GALNT15: variants seen among roughly 807,000 people sequenced by gnomAD.
The protein encoded by GALNT15 is UDP-GalNAc transferase T15.
In GALNT15, 67 loss-of-function variants were observed where a neutral mutation model predicts 66.8. That is an observed-to-expected ratio of 1.00 (90% CI 0.82 to 1.23). The LOEUF (loss-of-function observed/expected upper bound fraction) is 1.23, where lower values mean the gene tolerates loss of function less well. Among genes scored for constraint, GALNT15 ranks in the 50% most tolerant of loss-of-function variants. GALNT15 has a pLI of 0.00. For synonymous variants in GALNT15, 313 were observed against 311.5 expected (o/e 1.00, Z -0.05); for missense variants, 827 against 804.3 (o/e 1.03, Z -0.34).
intron 3 of GALNT15, among the ~76,000 whole-genome samples, chr3:16,205,696 G>GT: frequency 6.6e-6 from 1 of 152,292 alleles, no homozygotes; most frequent in East Asian, 1.9e-4. Flanking sequence ...AAGACTGTGG[G>GT]TTTTTTATTT....
intron 6 of GALNT15, among the ~76,000 whole-genome samples, chr3:16,215,738 C>G (rs561129116): frequency 6.6e-6 from 1 of 151,824 alleles, no homozygotes; most frequent in Non-Finnish European, 1.5e-5. Flanking sequence ...GGTGAAACCC[C>G]GTCTCCACTA....
rs2063522265 is a variant in GALNT15 at position 16,186,902 on chromosome 3, AATTGT to A, written c.540-8856_540-8852del. Reference sequence around the variant, plus strand: ...CACACCTTTATACTTGAATCCATGGAATTGTACACTTTATAAAGGTGGACATTATG... The same window carrying A: ...CACACCTTTATACTTGAATCCATGGAACACTTTATAAAGGTGGACATTATG... On this transcript the variant is annotated intron_variant, in intron 1 of 9. Transcript: ENST00000339732. The surrounding 1 kb of genome is among the most constrained non-coding windows in gnomAD (Gnocchi z 5.1). 6.6e-6 allele frequency among the ~76,000 whole-genome samples: 1 copy of A among 152,194 alleles called. No homozygotes were observed. The highest frequency in any genetic ancestry group is 1.5e-5 in the Non-Finnish European group (1 of 68,036).
rs1177955566 is a variant in GALNT15 at position 16,182,148 on chromosome 3, G to A, written c.539+6458G>A. Among the ~76,000 whole-genome samples the A allele has an allele frequency of 6.6e-6, 1 of 152,128 alleles. No individual in the cohort carries two copies. The highest frequency in any genetic ancestry group is 1.9e-4 in the East Asian group (1 of 5,192). On this transcript the variant is annotated intron_variant, in intron 1 of 9. Transcript: ENST00000339732. This position sits in a 1 kb window ranked among gnomAD's most constrained non-coding sequence, Gnocchi z 6.1. ...GTTATTTACTCCAGTGCCACTCACA[G>A]TGTGGTCCTCAGACCTGCAGCCTCA...
At chr3:16,232,470 AT>A (rs1417536261), downstream of GALNT15, among the ~76,000 whole-genome samples, 36 of 29,254 alleles carry the variant, frequency 1.2e-3, no homozygotes, top group African/African-American at 4.1e-3. Flanking sequence ...AAATAAATAA[AT>A]ATATATATAT....
chr3:16,237,461 T>C, the GALNT15 span, among the ~76,000 whole-genome samples: 5 of 152,196 alleles, frequency 3.3e-5, no homozygotes, highest in Non-Finnish European at 7.4e-5. The surrounding 1 kb of genome is among the most constrained non-coding windows in gnomAD (Gnocchi z 4.2). Context: ...CTCACACTCA[T>C]GGACAGTTCC....
At position 16,184,304 on chromosome 3, in the gene GALNT15, C is replaced by T. The variant is rs1055606161; in HGVS notation, c.539+8614C>T. Among the ~76,000 whole-genome samples the T allele has an allele frequency of 6.6e-6, 1 of 152,226 alleles. No individual in the cohort carries two copies. The highest frequency in any genetic ancestry group is 6.5e-5 in the Admixed American group (1 of 15,288). Reference sequence around the variant, plus strand: ...CATACATTTCTTCCTGGATCCTCTGCATAAGTCCCTAGTCACTTGGGGCCT... The same window carrying T: ...CATACATTTCTTCCTGGATCCTCTGTATAAGTCCCTAGTCACTTGGGGCCT... On this transcript the variant is annotated intron_variant, in intron 1 of 9. Coordinates refer to ENST00000339732, the MANE Select transcript of GALNT15 (RefSeq NM_054110.5). This position sits in a 1 kb window ranked among gnomAD's most constrained non-coding sequence, Gnocchi z 5.0.
At chr3:16,205,110 A>G (rs1393230469) in intron 3 of GALNT15, among the ~76,000 whole-genome samples, 2 of 152,248 alleles carry the variant, frequency 1.3e-5, no homozygotes, top group African/African-American at 4.8e-5. Context: ...ACGTCCTCGT[A>G]TCTGCCCCTG....
intron 3 of GALNT15, among the ~76,000 whole-genome samples, chr3:16,206,671 TAA>T (rs1170870767): frequency 0.013 from 764 of 60,008 alleles, 12 homozygotes; most frequent in African/African-American, 0.045. Flanking sequence ...AGACTCTGTC[TAA>T]AAAAAAAAAA....
chr3:16,180,616 T>G lies in GALNT15; in HGVS notation c.539+4926T>G, dbSNP rs370295703. Among the ~76,000 whole-genome samples the G allele has an allele frequency of 1.6e-4, 24 of 152,204 alleles. No homozygotes were observed. In the East Asian group the frequency reaches 3.3e-3, roughly 21 times the overall value. ...ATTTTTTTAAGCTGATGCTAGATAG[T>G]CTGGGGAACTACTGGTAGAGAAAGC... On this transcript the variant is annotated intron_variant, in intron 1 of 9. Coordinates refer to ENST00000339732, the MANE Select transcript of GALNT15 (RefSeq NM_054110.5). This position sits in a 1 kb window ranked among gnomAD's most constrained non-coding sequence, Gnocchi z 5.0.
rs541962221 is a variant in GALNT15, at chr3:16,187,466, A to G, written c.540-8294A>G. Among the ~76,000 whole-genome samples the G allele has an allele frequency of 7.8e-4, 118 of 152,230 alleles. No individual in the cohort carries two copies. The highest frequency in any genetic ancestry group is 2.6e-3 in the African/African-American group (107 of 41,538). On this transcript the variant is annotated intron_variant, in intron 1 of 9. Transcript: ENST00000339732. This position sits in a 1 kb window ranked among gnomAD's most constrained non-coding sequence, Gnocchi z 5.1. Reference sequence around the variant, plus strand: ...GCTGATGCTGGTCCTCAGCTGGGGCACTTTAGTTTTTCTTCAAGCAGACTG... The same window carrying G: ...GCTGATGCTGGTCCTCAGCTGGGGCGCTTTAGTTTTTCTTCAAGCAGACTG...
At position 16,183,434 on chromosome 3, in the gene GALNT15, C is replaced by T. The variant is rs1376161914; in HGVS notation, c.539+7744C>T. Among the ~76,000 whole-genome samples, 3 of 152,234 alleles carry T rather than the reference C, an allele frequency of 2.0e-5. No homozygotes were observed. Among genetic ancestry groups the T allele is most frequent in the Admixed American group, 6.5e-5 (1 of 15,284 alleles). On this transcript the variant is annotated intron_variant, in intron 1 of 9. Transcript: ENST00000339732. The surrounding 1 kb of genome is among the most constrained non-coding windows in gnomAD (Gnocchi z 5.2). ...TTACAGGCAAGCTAGGATTTTCTTG[C>T]AATGGAGGAACTTGGCTCTGTGGGA...
Position 16,177,513 on chromosome 3 carries a change from G to T in GALNT15, c.539+1823G>T, listed in dbSNP as rs138650140. Among the ~76,000 whole-genome samples the T allele has an allele frequency of 2.0e-5, 3 of 152,298 alleles. No homozygotes were observed. In the East Asian group the frequency reaches 5.8e-4, roughly 29 times the overall value. ...GTGCATGTATGTGTAGTACATGCAG[G>T]TACTGCGTTATGTGGTGCCTATATG... On this transcript the variant is annotated intron_variant, in intron 1 of 9. Coordinates refer to ENST00000339732, the MANE Select transcript of GALNT15 (RefSeq NM_054110.5).
Position 16,193,249 on chromosome 3 carries a change from G to C in GALNT15, c.540-2511G>C, listed in dbSNP as rs946226561. On this transcript the variant is annotated intron_variant, in intron 1 of 9. Transcript: ENST00000339732. This position sits in a 1 kb window ranked among gnomAD's most constrained non-coding sequence, Gnocchi z 4.7. Reference sequence around the variant, plus strand: ...TACTTTGGCTACCAGGGATCTCAGAGTCAAATTTAAATTCATTCTAGAAAT... The same window carrying C: ...TACTTTGGCTACCAGGGATCTCAGACTCAAATTTAAATTCATTCTAGAAAT... Among the ~76,000 whole-genome samples the C allele has an allele frequency of 1.3e-5, 2 of 152,164 alleles. No homozygotes were observed. The highest frequency in any genetic ancestry group is 2.9e-5 in the Non-Finnish European group (2 of 68,032).
chr3:16,204,959 G>GTGCGCGCGCGCA lies in GALNT15; in HGVS notation c.912-3542_912-3541insCGCGCGCGCATG, dbSNP rs1559685081. Among the ~76,000 whole-genome samples the GTGCGCGCGCGCA allele has an allele frequency of 6.6e-6, 1 of 152,194 alleles. No homozygotes were observed. Among genetic ancestry groups the GTGCGCGCGCGCA allele is most frequent in the African/African-American group, 2.4e-5 (1 of 41,456 alleles). On this transcript the variant is annotated intron_variant, in intron 3 of 9. Transcript: ENST00000339732. This position sits in a 1 kb window ranked among gnomAD's most constrained non-coding sequence, Gnocchi z 4.5. ...GGAGCGAGCATGTGCGTGCGTGTGT[G>GTGCGCGCGCGCA]TGTGCGCGCGCATGTGCGCGTCAAG...
intron 4 of GALNT15, among the ~76,000 whole-genome samples, chr3:16,210,859 G>C (rs1358327852): frequency 6.6e-6 from 1 of 152,244 alleles, no homozygotes; most frequent in Non-Finnish European, 1.5e-5. Context: ...AGTCTCAGGT[G>C]TGGTCCCTAG....
chr3:16,221,551 G>T (rs1023060685), intron 8 of GALNT15, among the ~76,000 whole-genome samples: 1 of 151,996 alleles, frequency 6.6e-6, no homozygotes, highest in Admixed American at 6.6e-5. Flanking sequence ...GCATGCAAGG[G>T]ATAAGTGACG....
chr3:16,196,861 C>T (rs575020502), intron 2 of GALNT15, among the ~76,000 whole-genome samples: 2 of 152,080 alleles, frequency 1.3e-5, no homozygotes, highest in African/African-American at 2.4e-5. Context: ...TGAGGGAAGC[C>T]GAGCATTCAC....
At chr3:16,243,123 G>A in the GALNT15 span, among the ~76,000 whole-genome samples, 85 of 152,274 alleles carry the variant, frequency 5.6e-4, no homozygotes, top group Non-Finnish European at 6.0e-4. Flanking sequence ...GGTTACACCC[G>A]GGGCCATTCA....
chr3:16,212,814 A>C (rs775677007), intron 6 of GALNT15, 51 bp downstream of exon 6: 1 of 1,526,086 alleles, frequency 6.6e-7, no homozygotes, highest in Non-Finnish European at 9.0e-7. Flanking sequence ...GGCCACTAGC[A>C]GGAGGTGGGC....
Sources: gnomAD v4.1 joint callset for allele counts (sites outside exome capture counted in the v4.1 genomes callset) on GRCh38, gnomAD v4.1.1 for gene constraint, Gnocchi (gnomAD v3.1) non-coding constraint, MANE v1.5 for transcripts, NCBI Gene and HGNC (gene_info 2026-07-23, HGNC 2026-07-21) for gene names.